PRR16: variants seen among roughly 807,000 people sequenced by gnomAD.
PRR16 encodes the protein protein Largen.
In PRR16, 6 loss-of-function variants were observed where a neutral mutation model predicts 18.2. The observed-to-expected ratio is 0.33, with a 90% confidence interval of 0.18 to 0.65. The LOEUF (loss-of-function observed/expected upper bound fraction) is 0.65. Ranked by LOEUF, PRR16 falls within the 30% of genes least tolerant of loss-of-function variation. The pLI is 0.74. For synonymous variants in PRR16, 151 were observed against 147.8 expected, an observed-to-expected ratio of 1.02 and a Z score of -0.16; for missense variants, 412 against 376.6, an observed-to-expected ratio of 1.09 and a Z score of -0.78.
chr5:120,598,026 A>G (rs1404944861), intron 1 of PRR16, among the ~76,000 whole-genome samples: 1 of 151,920 alleles, frequency 6.6e-6, no homozygotes, highest in Non-Finnish European at 1.5e-5. Context: ...TATGTATACA[A>G]ACATACAGGA....
chr5:120,705,760 A>G, the PRR16 span, among the ~76,000 whole-genome samples: 7 of 152,114 alleles, frequency 4.6e-5, no homozygotes, highest in East Asian at 1.9e-4. Context: ...ACAATTCACA[A>G]TGCTCTTCTC....
intron 1 of PRR16, among the ~76,000 whole-genome samples, chr5:120,573,579 A>G (rs183135635): frequency 6.6e-6 from 1 of 152,290 alleles, no homozygotes; most frequent in African/African-American, 2.4e-5. Context: ...GAGAACATTG[A>G]ACCAGCTTAT....
the PRR16 span, among the ~76,000 whole-genome samples, chr5:120,772,390 G>C: frequency 6.6e-6 from 1 of 151,874 alleles, no homozygotes; most frequent in Non-Finnish European, 1.5e-5. Flanking sequence ...ACTGTATCTG[G>C]AGTATATACA....
intron 1 of PRR16, among the ~76,000 whole-genome samples, chr5:120,619,699 T>A (rs1166067914): frequency 6.6e-6 from 1 of 152,110 alleles, no homozygotes; most frequent in African/African-American, 2.4e-5. Context: ...AGTAAAGCAG[T>A]TGTTTGATAT....
chr5:120,674,168 A>C (rs1756714142), intron 1 of PRR16, among the ~76,000 whole-genome samples: 1 of 152,156 alleles, frequency 6.6e-6, no homozygotes, highest in African/African-American at 2.4e-5. Context: ...CTGATATGCC[A>C]TCTACCTACT....
At chr5:120,711,434 A>T in the PRR16 span, among the ~76,000 whole-genome samples, 1 of 152,212 alleles carries the variant, frequency 6.6e-6, no homozygotes, top group Non-Finnish European at 1.5e-5. Context: ...GAATGAAAAC[A>T]ATATGAGGTA....
chr5:120,599,255 A>G (rs570083453), intron 1 of PRR16, among the ~76,000 whole-genome samples: 1 of 151,898 alleles, frequency 6.6e-6, no homozygotes, highest in Non-Finnish European at 1.5e-5. Flanking sequence ...ATTCAAAACC[A>G]TTGCATAAGT....
At chr5:120,589,577 C>G (rs1013753172) in intron 1 of PRR16, among the ~76,000 whole-genome samples, 1 of 152,032 alleles carries the variant, frequency 6.6e-6, no homozygotes, top group Non-Finnish European at 1.5e-5. Context: ...ACTTACAGTT[C>G]CAAATGGCTG....
chr5:120,686,306 T>C lies in PRR16; in HGVS notation c.512T>C (p.Ile171Thr), dbSNP rs1757121022. ...CCTAACAAAATTCCAAATGGAGATA[T>C]CTGCTGCATACCCAACAGTAACTTG... ...GGPNKIPNGD[I>T]CCIPNSNLDK... is the part of the protein sequence containing the mutation. Residue 171 changes from isoleucine (I) to threonine (T), a missense_variant, in exon 2 of 2, where the codon ATC becomes ACC. Coordinates refer to ENST00000407149, the MANE Select transcript of PRR16 (RefSeq NM_001300783.2). 1.9e-6 allele frequency: 3 copies of C among 1,613,994 alleles called. No individual in the cohort carries two copies. The highest frequency in any genetic ancestry group is 1.3e-5 in the African/African-American group (1 of 74,906).
chr5:120,673,955 A>G (rs1756704724), intron 1 of PRR16, among the ~76,000 whole-genome samples: 1 of 10,106 alleles, frequency 9.9e-5, no homozygotes, highest in African/African-American at 1.7e-4. Context: ...CCCTTTCTCA[A>G]AGAAAAAAAA....
Position 120,686,226 on chromosome 5 carries a change from C to A in PRR16, c.432C>A (p.Ala144=). Reference sequence around the variant, plus strand: ...ACCCCAAAAGGGTGGTTCCAACTGCCAATCCTGTAAAAACCAATGGCACCC... The same window carrying A: ...ACCCCAAAAGGGTGGTTCCAACTGCAAATCCTGTAAAAACCAATGGCACCC... ...CEDPKRVVPT[A]NPVKTNGTLL... The change falls in exon 2 of 2, where the codon GCC becomes GCA. Residue 144 remains alanine (A), a synonymous_variant. Coordinates refer to ENST00000407149, the MANE Select transcript of PRR16 (RefSeq NM_001300783.2). 1.2e-6 allele frequency: 2 copies of A among 1,614,106 alleles called. No individual in the cohort carries two copies. The highest frequency in any genetic ancestry group is 1.7e-6 in the Non-Finnish European group (2 of 1,180,024).
chr5:120,644,646 A>G (rs2150127171), intron 1 of PRR16, among the ~76,000 whole-genome samples: 1 of 152,236 alleles, frequency 6.6e-6, no homozygotes, highest in African/African-American at 2.4e-5. Flanking sequence ...CTTTTTTGAG[A>G]TGAAGTCCAG....
chr5:120,686,162 C>T lies in PRR16; in HGVS notation c.368C>T (p.Pro123Leu). The T allele has an allele frequency of 1.9e-6, 3 of 1,613,986 alleles. No individual in the cohort carries two copies. The highest frequency in any genetic ancestry group is 2.5e-6 in the Non-Finnish European group (3 of 1,179,896). Reference sequence around the variant, plus strand: ...ACGGTCCTGAGAAAGCCAAACCCTCCACCACCTCCTCCAAGGTTGACACCT... The same window carrying T: ...ACGGTCCTGAGAAAGCCAAACCCTCTACCACCTCCTCCAAGGTTGACACCT... Reference protein sequence around the residue: ...ILTVLRKPNPPPPPPRLTPVK... With the variant: ...ILTVLRKPNPLPPPPRLTPVK... Residue 123 changes from proline (P) to leucine (L), a missense_variant, in exon 2 of 2, where the codon CCA becomes CTA. By Grantham distance (98) the Pro-to-Leu change is moderately conservative. Transcript: ENST00000407149.
intron 1 of PRR16, among the ~76,000 whole-genome samples, chr5:120,657,225 G>A (rs144118381): frequency 9.3e-4 from 141 of 152,024 alleles, no homozygotes; most frequent in Non-Finnish European, 1.4e-3. Context: ...CAATTAGCAT[G>A]CCTCTTGCCA....
chr5:120,748,853 T>G, the PRR16 span, among the ~76,000 whole-genome samples: 4 of 152,124 alleles, frequency 2.6e-5, no homozygotes, highest in Admixed American at 2.6e-4. Flanking sequence ...TGCAGCAATC[T>G]AGAAACGTCA....
intron 1 of PRR16, among the ~76,000 whole-genome samples, chr5:120,598,253 A>G (rs1753876624): frequency 2.0e-5 from 3 of 151,672 alleles, no homozygotes; most frequent in Admixed American, 6.6e-5. Context: ...TAATGTAGCA[A>G]TCCTCTTTTT....
chr5:120,500,940 T>G lies in PRR16; in HGVS notation c.159+36295T>G, dbSNP rs565355666. Among the ~76,000 whole-genome samples the G allele has an allele frequency of 2.6e-5, 4 of 152,112 alleles. No individual in the cohort carries two copies. The South Asian group carries it at 8.3e-4, about 32-fold the overall frequency. On this transcript the variant is annotated intron_variant, in intron 1 of 1. Transcript: ENST00000407149. ...AATTTAATTATTGGATAACACTCCC[T>G]TTTTTGTTTTTTTCTGATCTTATTC...
chr5:120,562,481 T>G (rs1156327928), intron 1 of PRR16, among the ~76,000 whole-genome samples: 1 of 152,178 alleles, frequency 6.6e-6, no homozygotes, highest in Non-Finnish European at 1.5e-5. Context: ...CATTCAATGT[T>G]ATTATTGATG....
At chr5:120,710,296 G>A in the PRR16 span, among the ~76,000 whole-genome samples, 1 of 152,060 alleles carries the variant, frequency 6.6e-6, no homozygotes, top group Non-Finnish European at 1.5e-5. Flanking sequence ...GTACATACAA[G>A]GCTTTTTAAA....
Sources: allele counts gnomAD v4.1 joint callset (sites outside exome capture counted in the v4.1 genomes callset), GRCh38; gene constraint gnomAD v4.1.1; transcripts MANE v1.5; gene names NCBI Gene and HGNC (gene_info 2026-07-23, HGNC 2026-07-21).